The following ADAMTS12 variants were observed in gnomAD, a reference collection of about 807,000 sequenced individuals.
The protein encoded by ADAMTS12 is A disintegrin and metalloproteinase with thrombospondin motifs 12.
Under a neutral mutation model 167.8 loss-of-function variants are expected in ADAMTS12, and 118 were observed. The observed-to-expected ratio is 0.70, with a 90% CI of 0.61 to 0.82. ADAMTS12 has a LOEUF of 0.82. Among genes scored for constraint, ADAMTS12 ranks in the 40% least tolerant of loss-of-function variants. The pLI is 0.00. For missense variants in ADAMTS12, 1,916 were observed against 1,998.8 expected (o/e 0.96, Z 0.79); for synonymous variants, 704 against 716.9 (o/e 0.98, Z 0.29).
At chr5:33,728,687 TGAA>T (rs1744070226) in intron 3 of ADAMTS12, among the ~76,000 whole-genome samples, 1 of 152,168 alleles carries the variant, frequency 6.6e-6, no homozygotes, top group South Asian at 2.1e-4. Context: ...CACCCCAGCC[TGAA>T]GAAGGCCAGC....
At chr5:33,596,524 A>T (rs957331920) in intron 16 of ADAMTS12, among the ~76,000 whole-genome samples, 2 of 152,190 alleles carry the variant, frequency 1.3e-5, no homozygotes, top group Non-Finnish European at 1.5e-5. Flanking sequence ...TCTACTAAAA[A>T]TACAAAAATT....
At chr5:33,645,925 T>A (rs1329382324) in intron 9 of ADAMTS12, among the ~76,000 whole-genome samples, 1 of 152,088 alleles carries the variant, frequency 6.6e-6, no homozygotes, top group Non-Finnish European at 1.5e-5. Context: ...GATAGTCTAG[T>A]AAACAAAAAC....
intron 3 of ADAMTS12, among the ~76,000 whole-genome samples, chr5:33,704,461 C>T (rs1238591308): frequency 2.6e-5 from 4 of 152,100 alleles, no homozygotes; most frequent in East Asian, 3.8e-4. Context: ...TACATTTCCA[C>T]CAAGAGTGTA....
At chr5:33,751,669 G>T in intron 2 of ADAMTS12, 121 bp from the exon 3 acceptor site, 1 of 911,930 alleles carries the variant, frequency 1.1e-6, no homozygotes, top group South Asian at 1.7e-5. Flanking sequence ...TGCTTTCAGA[G>T]TCTGCTGTTC....
intron 19 of ADAMTS12, among the ~76,000 whole-genome samples, chr5:33,573,129 G>A (rs1386940950): frequency 2.0e-5 from 3 of 152,148 alleles, no homozygotes; most frequent in East Asian, 3.9e-4. Flanking sequence ...AAGATTCCAT[G>A]CTCATGGGTA....
At chr5:33,661,435 G>A (rs76708738) in intron 6 of ADAMTS12, among the ~76,000 whole-genome samples, 1,798 of 152,234 alleles carry the variant, frequency 0.012, 42 homozygotes, top group African/African-American at 0.041. Flanking sequence ...CCTACTCAGC[G>A]GGGACCTGCT....
intron 3 of ADAMTS12, among the ~76,000 whole-genome samples, chr5:33,734,389 A>G (rs1360847621): frequency 6.6e-6 from 1 of 152,204 alleles, no homozygotes; most frequent in Non-Finnish European, 1.5e-5. Flanking sequence ...GAAGAAGAGC[A>G]GTAACATTAG....
chr5:33,751,612 T>C, intron 2 of ADAMTS12, 64 bp from the exon 3 acceptor site: 2 of 1,524,496 alleles, frequency 1.3e-6, no homozygotes, highest in Non-Finnish European at 1.8e-6. Flanking sequence ...AAAAACAAAG[T>C]GAAAAATTAT....
chr5:33,761,254 C>T (rs1745346083), intron 2 of ADAMTS12, among the ~76,000 whole-genome samples: 1 of 152,364 alleles, frequency 6.6e-6, no homozygotes, highest in East Asian at 1.9e-4. Context: ...GGGCCTTCTT[C>T]TCCCACTCTG....
chr5:33,846,142 A>T (rs531581352), intron 2 of ADAMTS12, among the ~76,000 whole-genome samples: 1 of 152,216 alleles, frequency 6.6e-6, no homozygotes, highest in South Asian at 2.1e-4. Flanking sequence ...ACCCAAACTG[A>T]GGGACATCCT....
At chr5:33,627,404 TGTA>T (rs1739711359) in intron 13 of ADAMTS12, among the ~76,000 whole-genome samples, 1 of 148,032 alleles carries the variant, frequency 6.8e-6, no homozygotes, top group Non-Finnish European at 1.5e-5. Context: ...GTGGCGATGA[TGTA>T]GTGGTGATGG....
At chr5:33,859,463 C>T (rs1405681255) in intron 2 of ADAMTS12, among the ~76,000 whole-genome samples, 1 of 152,238 alleles carries the variant, frequency 6.6e-6, no homozygotes, top group Non-Finnish European at 1.5e-5. Context: ...GTCTAGATTC[C>T]TCCTCTCTAA....
intron 2 of ADAMTS12, among the ~76,000 whole-genome samples, chr5:33,845,397 G>A (rs956942286): frequency 6.6e-6 from 1 of 152,218 alleles, no homozygotes; most frequent in Non-Finnish European, 1.5e-5. Flanking sequence ...AAAAGACACA[G>A]AAGCCAGATT....
chr5:33,737,208 T>C (rs187043527), intron 3 of ADAMTS12, among the ~76,000 whole-genome samples: 9 of 152,342 alleles, frequency 5.9e-5, no homozygotes, highest in Non-Finnish European at 1.0e-4. Flanking sequence ...TGTGCTGTGG[T>C]TGACAGGCCC....
At chr5:33,820,010 A>T (rs983736901) in intron 2 of ADAMTS12, among the ~76,000 whole-genome samples, 2 of 152,192 alleles carry the variant, frequency 1.3e-5, no homozygotes, top group Admixed American at 6.5e-5. Flanking sequence ...AAGCCCTTCT[A>T]GGTATTGTTG....
intron 5 of ADAMTS12, among the ~76,000 whole-genome samples, chr5:33,663,421 G>A (rs192826135): frequency 7.2e-5 from 11 of 151,996 alleles, no homozygotes; most frequent in Admixed American, 7.2e-4. Flanking sequence ...GAAGGGATAA[G>A]AGAAAAGGAA....
chr5:33,617,527 G>A lies in ADAMTS12; in HGVS notation c.2144-1455C>T, dbSNP rs150079684. ...TGTGGTTTGCGTAGTATTTAATTAA[G>A]TTCCATTTGGCTCTCAAACACTTGC... is the stretch of plus-strand genomic sequence containing the variant. On this transcript the variant is annotated intron_variant, in intron 14 of 23. Coordinates refer to ENST00000504830, the MANE Select transcript of ADAMTS12 (RefSeq NM_030955.4). 3.6e-3 allele frequency among the ~76,000 whole-genome samples: 542 copies of A among 152,276 alleles called. 6 individuals carry two copies. Among genetic ancestry groups the A allele is most frequent in the African/African-American group, 0.013 (521 of 41,566 alleles).
chr5:33,827,048 A>C (rs1373274787), intron 2 of ADAMTS12, among the ~76,000 whole-genome samples: 1 of 139,860 alleles, frequency 7.2e-6, no homozygotes, highest in Non-Finnish European at 1.6e-5. Context: ...CACAAAAATT[A>C]ATGTCTATGG....
At chr5:33,655,628 T>TATTTA (rs1554032472) in intron 7 of ADAMTS12, among the ~76,000 whole-genome samples, 2,115 of 145,760 alleles carry the variant, frequency 0.015, 46 homozygotes, top group African/African-American at 0.048. Context: ...TAGTTTTATT[T>TATTTA]ATTTAATTTA....
Sources: allele counts gnomAD v4.1 joint callset (sites outside exome capture counted in the v4.1 genomes callset), GRCh38; gene constraint gnomAD v4.1.1; transcripts MANE v1.5; gene names NCBI Gene and HGNC (gene_info 2026-07-23, HGNC 2026-07-21).